Variants in ARIH2 observed in about 807,000 individuals in gnomAD.
ARIH2 encodes E3 ubiquitin-protein ligase ARIH2.
In ARIH2, 12 loss-of-function variants were observed where a neutral mutation model predicts 79.8. That is an observed-to-expected ratio of 0.15 (90% CI 0.10 to 0.24). ARIH2 has a LOEUF of 0.24. Among genes scored for constraint, ARIH2 ranks in the 10% least tolerant of loss-of-function variants. ARIH2 has a pLI of 1.00. For missense variants in ARIH2, 301 were observed against 618.3 expected (o/e 0.49, Z 5.44); for synonymous variants, 224 against 213.9 (o/e 1.05, Z -0.41).
intron 3 of ARIH2, among the ~76,000 whole-genome samples, chr3:48,956,494 G>GT (rs1237054884): frequency 9.8e-6 from 1 of 102,234 alleles, no homozygotes; most frequent in African/African-American, 3.9e-5. Context: ...GTTTTGCTGT[G>GT]TTGCCAGGCT....
intron 2 of ARIH2, among the ~76,000 whole-genome samples, chr3:48,925,721 ATT>A (rs879571708): frequency 9.4e-5 from 13 of 137,982 alleles, no homozygotes; most frequent in African/African-American, 1.3e-4. Context: ...TTAGTTTTAG[ATT>A]TTTTTTTTTT....
At chr3:48,956,439 CTTTTTTTT>C (rs34693818) in intron 3 of ARIH2, among the ~76,000 whole-genome samples, 30 of 36,244 alleles carry the variant, frequency 8.3e-4, no homozygotes, top group South Asian at 3.6e-3. Context: ...GCGCCCGGCA[CTTTTTTTT>C]TTTTTTTTTT....
chr3:48,941,697 A>G (rs1446987134), intron 3 of ARIH2, among the ~76,000 whole-genome samples: 1 of 147,058 alleles, frequency 6.8e-6, no homozygotes, highest in East Asian at 2.0e-4. Flanking sequence ...GGTTCACGCC[A>G]TTCTCCTGCC....
At chr3:48,965,063 C>T in intron 5 of ARIH2, 81 bp downstream of exon 5, 1 of 1,364,192 alleles carries the variant, frequency 7.3e-7, no homozygotes, top group Non-Finnish European at 1.0e-6. Flanking sequence ...TAAGAGCTAT[C>T]TTTACTTGGC....
chr3:48,951,949 T>C (rs1422234887), intron 3 of ARIH2, among the ~76,000 whole-genome samples: 1 of 152,266 alleles, frequency 6.6e-6, no homozygotes, highest in East Asian at 1.9e-4. Context: ...TACTTCGTTT[T>C]AACTTAGTCA....
intron 7 of ARIH2, among the ~76,000 whole-genome samples, 170 bp from the exon 8 acceptor site, chr3:48,970,425 T>G (rs1026800717): frequency 2.6e-5 from 4 of 152,238 alleles, no homozygotes; most frequent in African/African-American, 9.6e-5. Flanking sequence ...TCTAAATTCC[T>G]CTTTAATATC....
chr3:48,977,755 C>T (rs1048227707), intron 11 of ARIH2, among the ~76,000 whole-genome samples: 4 of 152,140 alleles, frequency 2.6e-5, no homozygotes, highest in African/African-American at 9.7e-5. Flanking sequence ...CCGTGCCCGG[C>T]CTGTATTGTT....
intron 3 of ARIH2, among the ~76,000 whole-genome samples, chr3:48,929,713 C>T (rs890239349): frequency 2.6e-5 from 4 of 152,202 alleles, no homozygotes; most frequent in Non-Finnish European, 5.9e-5. Context: ...TACCTTATCT[C>T]CTCCATCATT....
chr3:48,953,254 C>A (rs960607404), intron 3 of ARIH2, among the ~76,000 whole-genome samples: 11 of 151,852 alleles, frequency 7.2e-5, no homozygotes, highest in African/African-American at 2.4e-4. Context: ...GATTGAAATT[C>A]ATCAATTGAA....
At chr3:48,940,808 A>AAAAAATATATATAT (rs759369585) in intron 3 of ARIH2, among the ~76,000 whole-genome samples, 11 of 98,060 alleles carry the variant, frequency 1.1e-4, no homozygotes, top group African/African-American at 4.1e-4. Flanking sequence ...AAAAAAAAAA[A>AAAAAATATATATAT]ATATATATAT....
intron 9 of ARIH2, 74 bp downstream of exon 9, chr3:48,973,890 CA>C: frequency 8.7e-7 from 1 of 1,152,740 alleles, no homozygotes; most frequent in Non-Finnish European, 1.3e-6. Context: ...GGAGATTTGC[CA>C]TCTGAGAGCA....
intron 3 of ARIH2, among the ~76,000 whole-genome samples, chr3:48,950,264 C>T (rs1003223091): frequency 2.0e-5 from 3 of 152,024 alleles, no homozygotes; most frequent in African/African-American, 4.8e-5. Flanking sequence ...CTTTTAGACT[C>T]TGTTTTGTTC....
intron 3 of ARIH2, among the ~76,000 whole-genome samples, chr3:48,950,951 C>CTTT (rs748827327): frequency 7.7e-6 from 1 of 129,232 alleles, no homozygotes; most frequent in Admixed American, 7.7e-5. Flanking sequence ...CTTTCTTCTT[C>CTTT]TTTTTTTTTT....
At chr3:48,932,864 C>T (rs1381682586) in intron 3 of ARIH2, among the ~76,000 whole-genome samples, 1 of 152,024 alleles carries the variant, frequency 6.6e-6, no homozygotes, top group Non-Finnish European at 1.5e-5. Flanking sequence ...GTGTTGAGGC[C>T]AGAGGACCTT....
intron 3 of ARIH2, among the ~76,000 whole-genome samples, chr3:48,957,206 G>A (rs1429483845): frequency 1.3e-5 from 2 of 152,222 alleles, no homozygotes; most frequent in African/African-American, 4.8e-5. Flanking sequence ...CTTGGCTTCA[G>A]TAGAGGGTTA....
intron 3 of ARIH2, among the ~76,000 whole-genome samples, chr3:48,942,073 C>T (rs1452591493): frequency 7.4e-6 from 1 of 134,702 alleles, no homozygotes; most frequent in African/African-American, 2.7e-5. Flanking sequence ...TTTTTTGAGG[C>T]GGAGTCTTAC....
chr3:48,944,377 G>A (rs2088811356), intron 3 of ARIH2, among the ~76,000 whole-genome samples: 1 of 152,066 alleles, frequency 6.6e-6, no homozygotes, highest in South Asian at 2.1e-4. Flanking sequence ...ATTGAGTGAG[G>A]TCTTTGGTTT....
rs778598088 is a variant in ARIH2, at chr3:48,970,609, C to T, written c.675C>T (p.Leu225=). 1 of 1,613,822 alleles carries T rather than the reference C, an allele frequency of 6.2e-7. No homozygotes were observed. Among genetic ancestry groups the T allele is most frequent in the Non-Finnish European group, 8.5e-7 (1 of 1,179,722 alleles). Reference sequence around the variant, plus strand: ...TGTGTTCACAGAGTCATTACCAGCTCCAGCTGTGCCCTGGTGCAGACTGCC... The same window carrying T: ...TGTGTTCACAGAGTCATTACCAGCTTCAGCTGTGCCCTGGTGCAGACTGCC... ...FRDYVESHYQ[L]QLCPGADCPM... The change falls in exon 8 of 16, where the codon CTC becomes CTT. Residue 225 remains leucine (L), a synonymous_variant. Transcript: ENST00000356401.
intron 3 of ARIH2, among the ~76,000 whole-genome samples, chr3:48,951,535 T>G (rs1041443653): frequency 2.6e-5 from 4 of 152,208 alleles, no homozygotes; most frequent in African/African-American, 7.2e-5. Flanking sequence ...TTGATAGAAT[T>G]CATCAGTAAA....
Sources: gnomAD v4.1 joint callset for allele counts (sites outside exome capture counted in the v4.1 genomes callset) on GRCh38, gnomAD v4.1.1 for gene constraint, MANE v1.5 for transcripts, NCBI Gene and HGNC (gene_info 2026-07-23, HGNC 2026-07-21) for gene names.